Variants in ETFA observed in about 807,000 individuals in gnomAD.
The protein encoded by ETFA is electron transfer flavoprotein subunit alpha, mitochondrial.
ETFA carries 22 observed loss-of-function variants against 46.2 expected under a neutral mutation model. The ratio of observed to expected loss-of-function variants is 0.48; its 90% CI spans 0.34 to 0.68. ETFA has a LOEUF of 0.68. ETFA is among the 30% of genes least tolerant of loss of function. The pLI is 0.01. For synonymous variants in ETFA, 131 were observed against 139.9 expected (o/e 0.94, Z 0.45); for missense variants, 345 against 401.1 (o/e 0.86, Z 1.19).
At chr15:76,298,436 C>G (rs2039848426) in intron 1 of ETFA, among the ~76,000 whole-genome samples, 1 of 152,180 alleles carries the variant, frequency 6.6e-6, no homozygotes, top group Non-Finnish European at 1.5e-5. Flanking sequence ...TAGGCATGTA[C>G]AGCTGCTAGA....
intron 9 of ETFA, among the ~76,000 whole-genome samples, chr15:76,267,522 A>G (rs958317226): frequency 2.0e-5 from 3 of 152,168 alleles, no homozygotes; most frequent in Non-Finnish European, 2.9e-5. Context: ...CTGTTACTCA[A>G]AAAGCCCCCA....
intron 1 of ETFA, among the ~76,000 whole-genome samples, chr15:76,311,147 C>G (rs1176680731): frequency 6.6e-6 from 1 of 152,232 alleles, no homozygotes; most frequent in Admixed American, 6.5e-5. Context: ...GACCCCAAAC[C>G]TCTGACTTCT....
chr15:76,234,706 C>G (rs540010493), intron 9 of ETFA, among the ~76,000 whole-genome samples: 1 of 152,270 alleles, frequency 6.6e-6, no homozygotes, highest in South Asian at 2.1e-4. Context: ...TGATAGCAGT[C>G]TGAGTTGATC....
chr15:76,264,599 T>C (rs1444964418), intron 9 of ETFA, among the ~76,000 whole-genome samples: 1 of 152,166 alleles, frequency 6.6e-6, no homozygotes, highest in Non-Finnish European at 1.5e-5. Flanking sequence ...ATAAAACAGC[T>C]CAGGATGTTA....
rs143035775 is a variant in ETFA at position 76,276,723 on chromosome 15, G to A, written c.734-2229C>T. Among the ~76,000 whole-genome samples, 141 of 151,934 alleles carry A rather than the reference G, an allele frequency of 9.3e-4. 1 individual carries two copies. Among genetic ancestry groups the A allele is most frequent in the African/African-American group, 3.3e-3 (135 of 41,426 alleles). ...CCTAAAGCTCAGAGATTCTTTCCTC[G>A]GCCATATCCAGTCTACTAAGAAGTC... is the stretch of plus-strand genomic sequence containing the variant. On this transcript the variant is annotated intron_variant, in intron 8 of 11. Coordinates refer to ENST00000557943, the MANE Select transcript of ETFA (RefSeq NM_000126.4).
Position 76,227,515 on chromosome 15 carries a change from C to CAAA in ETFA, c.883-1589_883-1587dup, listed in dbSNP as rs55873344. Among the ~76,000 whole-genome samples, 10 of 80,328 alleles carry CAAA rather than the reference C, an allele frequency of 1.2e-4. 1 individual carries two copies. The highest frequency in any genetic ancestry group is 3.7e-4 in the African/African-American group (6 of 16,136). The allele number at this position is 80,328 out of a possible 152,430, so 52.7% of individuals were successfully genotyped here. A position where few individuals can be genotyped will look rare whatever the true frequency, so the allele number is the denominator to read the frequency against. On this transcript the variant is annotated intron_variant, in intron 10 of 11. Transcript: ENST00000557943. ...TGGGTGACAGAGTGAGACTCTGTCT[C>CAAA]AAAAAAAAAAAAAGGAAAAGCTATC... is the stretch of plus-strand genomic sequence containing the variant.
intron 1 of ETFA, among the ~76,000 whole-genome samples, chr15:76,302,678 GGAAATGCTGAT>G (rs1024802320): frequency 6.6e-6 from 1 of 152,096 alleles, no homozygotes; most frequent in Non-Finnish European, 1.5e-5. Context: ...ATGGACTCTG[GGAAATGCTGAT>G]GTCAATGTAA....
intron 9 of ETFA, among the ~76,000 whole-genome samples, chr15:76,243,724 G>C (rs1023741823): frequency 1.3e-5 from 2 of 151,836 alleles, no homozygotes; most frequent in Non-Finnish European, 2.9e-5. Flanking sequence ...ACTTGAACCT[G>C]GGAGGCAGAG....
At position 76,217,520 on chromosome 15, in the gene ETFA, T is replaced by G. The variant is rs1309697052; in HGVS notation, c.964-923A>C. On this transcript the variant is annotated intron_variant, in intron 11 of 11. Coordinates refer to ENST00000557943, the MANE Select transcript of ETFA (RefSeq NM_000126.4). ...TGCAGTGGCCGGTCAGCAGACACAG[T>G]AAGAAACCACAGCAAGGGGAAATGG... is the stretch of plus-strand genomic sequence containing the variant. 13 of 416,092 alleles carry G rather than the reference T, an allele frequency of 3.1e-5. No individual in the cohort carries two copies. In the Admixed American group the frequency reaches 3.3e-4, roughly 11 times the overall value. The allele number at this position is 416,092 out of a possible 1,614,324, so 25.8% of individuals were successfully genotyped here.
At chr15:76,259,965 G>A in intron 9 of ETFA, 2 of 1,425,704 alleles carry the variant, frequency 1.4e-6, no homozygotes, top group South Asian at 2.3e-5. Flanking sequence ...CAACAAGTTT[G>A]GCCACATGTG....
intron 9 of ETFA, among the ~76,000 whole-genome samples, chr15:76,251,872 C>T (rs1025901671): frequency 2.0e-5 from 3 of 152,160 alleles, no homozygotes; most frequent in Non-Finnish European, 2.9e-5. Context: ...CACTGAGGGA[C>T]ATTATTAAAA....
intron 9 of ETFA, among the ~76,000 whole-genome samples, chr15:76,249,057 CA>C (rs1311790885): frequency 3.0e-4 from 45 of 152,036 alleles, no homozygotes; most frequent in African/African-American, 1.1e-3. Context: ...AGTGAGATTT[CA>C]TTCCCATCAG....
At chr15:76,240,317 A>G (rs1228328600) in intron 9 of ETFA, among the ~76,000 whole-genome samples, 1 of 152,226 alleles carries the variant, frequency 6.6e-6, no homozygotes, top group African/African-American at 2.4e-5. Flanking sequence ...TAGAATATGT[A>G]GTCAAAGATT....
intron 4 of ETFA, among the ~76,000 whole-genome samples, chr15:76,290,286 T>C (rs890919266): frequency 1.3e-5 from 2 of 150,386 alleles, no homozygotes; most frequent in Non-Finnish European, 3.0e-5. Context: ...CATGGAATCT[T>C]ATGCAGCCAT....
chr15:76,227,269 C>T (rs957815785), intron 10 of ETFA, among the ~76,000 whole-genome samples: 3 of 151,990 alleles, frequency 2.0e-5, no homozygotes, highest in East Asian at 1.9e-4. Context: ...GTAATCCCAG[C>T]ACTTTGAGAG....
At position 76,311,353 on chromosome 15, in the gene ETFA, C is replaced by G. The variant is rs1299355915; in HGVS notation, c.36G>C (p.Arg12=). 1 of 1,559,226 alleles carries G rather than the reference C, an allele frequency of 6.4e-7. No individual in the cohort carries two copies. Among genetic ancestry groups the G allele is most frequent in the East Asian group, 2.4e-5 (1 of 41,918 alleles). The change falls in exon 1 of 12, where the codon CGG becomes CGC. Residue 12 remains arginine (R), a synonymous_variant. Transcript: ENST00000557943. ...CGCCTTCCCAGTCCGGACTCACCGC[C>G]CGCCGGAGCTGCCCCGGAGCCGCCG... ...FRAAAPGQLR[R]AASLLRFQST... is the part of the protein sequence containing the mutation.
At chr15:76,264,803 C>T (rs1466521701) in intron 9 of ETFA, among the ~76,000 whole-genome samples, 2 of 152,156 alleles carry the variant, frequency 1.3e-5, no homozygotes, top group Admixed American at 6.5e-5. Context: ...GTTTCTCAGG[C>T]TCTTGGTTTA....
Position 76,308,069 on chromosome 15 carries a change from C to A in ETFA, c.39+3281G>T, listed in dbSNP as rs139071917. ...CCACTTTACAAACATGAGACAACTT[C>A]AGCATAAGGTAGAAATGTATTATCC... On this transcript the variant is annotated intron_variant, in intron 1 of 11. Transcript: ENST00000557943. Among the ~76,000 whole-genome samples the A allele has an allele frequency of 4.6e-5, 7 of 152,196 alleles. No homozygotes were observed. The East Asian group carries it at 1.3e-3, about 29-fold the overall frequency.
Position 76,225,990 on chromosome 15 carries a change from G to T in ETFA, c.883-61C>A. 7.8e-6 allele frequency: 7 copies of T among 898,890 alleles called. No individual in the cohort carries two copies. The South Asian group carries it at 9.5e-5, about 12-fold the overall frequency. The allele number at this position is 898,890 out of a possible 1,614,324, so 55.7% of individuals were successfully genotyped here. On this transcript the variant is annotated intron_variant, in intron 10 of 11. Transcript: ENST00000557943. ...AGAAAACATTTCACACAGACTGATA[G>T]TTCTATTTTAACTTCCAATATATTA...
Sources: allele counts gnomAD v4.1 joint callset (sites outside exome capture counted in the v4.1 genomes callset), GRCh38; gene constraint gnomAD v4.1.1; transcripts MANE v1.5; gene names NCBI Gene and HGNC (gene_info 2026-07-23, HGNC 2026-07-21).